LRBA: variants seen among roughly 807,000 people sequenced by gnomAD.
The protein encoded by LRBA is LPS responsive beige-like anchor protein, also known as lipopolysaccharide-responsive and beige-like anchor protein.
A neutral mutation model predicts 330.0 loss-of-function variants in LRBA; 176 were observed. The observed-to-expected ratio is 0.53, with a 90% confidence interval of 0.47 to 0.60. The LOEUF (loss-of-function observed/expected upper bound fraction) is 0.60, where lower values mean the gene tolerates loss of function less well. Among genes scored for constraint, LRBA ranks in the 20% least tolerant of loss-of-function variants. The pLI is 0.00. For synonymous variants in LRBA, 1,230 were observed against 1,193.0 expected (o/e 1.03, Z -0.64); for missense variants, 3,259 against 3,444.8 (o/e 0.95, Z 1.35).
At chr4:150,845,448 T>C (rs757344175) in intron 26 of LRBA, among the ~76,000 whole-genome samples, 7 of 152,144 alleles carry the variant, frequency 4.6e-5, no homozygotes, top group Admixed American at 3.3e-4. Context: ...GGCAGTTAGA[T>C]TACTTAGAAA....
intron 2 of LRBA, among the ~76,000 whole-genome samples, chr4:150,948,492 A>C (rs1736467503): frequency 1.3e-5 from 2 of 152,084 alleles, no homozygotes; most frequent in African/African-American, 4.8e-5. Context: ...ATTTAAATGT[A>C]AAATATAAAA....
At chr4:150,276,699 GAA>G (rs1448278228) in intron 56 of LRBA, among the ~76,000 whole-genome samples, 1 of 152,208 alleles carries the variant, frequency 6.6e-6, no homozygotes, top group Non-Finnish European at 1.5e-5. Context: ...GGTCATTAGA[GAA>G]ATGCAAATCA....
intron 40 of LRBA, among the ~76,000 whole-genome samples, chr4:150,551,544 T>TACAG (rs1766589556): frequency 1.3e-5 from 2 of 150,166 alleles, no homozygotes; most frequent in African/African-American, 5.0e-5. Context: ...CCAGGAGTGG[T>TACAG]GGAACATGCC....
intron 48 of LRBA, among the ~76,000 whole-genome samples, chr4:150,335,886 G>C (rs1430369339): frequency 6.6e-6 from 1 of 151,972 alleles, no homozygotes; most frequent in Non-Finnish European, 1.5e-5. Flanking sequence ...TGTAGAGATG[G>C]TGTTTTGCCA....
chr4:150,874,519 G>C (rs60102523), intron 17 of LRBA, among the ~76,000 whole-genome samples: 1 of 152,114 alleles, frequency 6.6e-6, no homozygotes, highest in African/African-American at 2.4e-5. Context: ...TCGCAGGCCT[G>C]GGGTGGGAGG....
intron 40 of LRBA, among the ~76,000 whole-genome samples, chr4:150,507,079 G>A (rs576753579): frequency 7.9e-5 from 12 of 151,634 alleles, no homozygotes; most frequent in African/African-American, 2.7e-4. Flanking sequence ...AATAAAAGAG[G>A]ATACAAACAA....
intron 13 of LRBA, among the ~76,000 whole-genome samples, chr4:150,901,086 T>G (rs1730671445): frequency 6.6e-6 from 1 of 151,998 alleles, no homozygotes; most frequent in Non-Finnish European, 1.5e-5. Flanking sequence ...TCACTTGAGG[T>G]CAGGAGTTTA....
At chr4:150,974,790 G>A (rs1382651845) in intron 2 of LRBA, among the ~76,000 whole-genome samples, 2 of 152,074 alleles carry the variant, frequency 1.3e-5, no homozygotes, top group Non-Finnish European at 2.9e-5. Flanking sequence ...GCATATGACA[G>A]ACCCAAACCA....
intron 35 of LRBA, among the ~76,000 whole-genome samples, chr4:150,751,849 C>T (rs956708845): frequency 2.0e-5 from 3 of 152,234 alleles, no homozygotes; most frequent in African/African-American, 7.2e-5. Flanking sequence ...AACTACATTA[C>T]AGCCCATTGT....
In LRBA at chr4:150,371,182, A is replaced by ATTTTTTTTTTTTTT. The variant is rs70937395; in HGVS notation, c.7195-21037_7195-21024dup. ...AAAAGCATGAGCTGCAAGCTACTAA[A>ATTTTTTTTTTTTTT]TTTTTTTTTTTTTTTTTTTTTTTTT... On this transcript the variant is annotated intron_variant, in intron 47 of 56. Transcript: ENST00000651943. Among the ~76,000 whole-genome samples the ATTTTTTTTTTTTTT allele has an allele frequency of 2.1e-4, 19 of 91,926 alleles. 1 individual carries two copies. Among genetic ancestry groups the ATTTTTTTTTTTTTT allele is most frequent in the African/African-American group, 7.7e-4 (16 of 20,826 alleles). 60.3% of individuals were successfully genotyped at this position (91,926 alleles called of 152,430 possible). A position where few individuals can be genotyped will look rare whatever the true frequency, so the allele number is the denominator to read the frequency against.
chr4:150,966,475 A>ATTT (rs36013649), intron 2 of LRBA, among the ~76,000 whole-genome samples: 8 of 114,590 alleles, frequency 7.0e-5, no homozygotes, highest in African/African-American at 2.1e-4. Flanking sequence ...CACCCAGCTA[A>ATTT]TTTTTTTTTT....
intron 28 of LRBA, among the ~76,000 whole-genome samples, chr4:150,832,448 T>C (rs546439899): frequency 6.6e-6 from 1 of 152,100 alleles, no homozygotes; most frequent in African/African-American, 2.4e-5. Flanking sequence ...ATACAAAAAT[T>C]AGCCAGGTGT....
chr4:150,523,189 G>A (rs1292564571), intron 40 of LRBA, among the ~76,000 whole-genome samples: 3 of 152,178 alleles, frequency 2.0e-5, no homozygotes, highest in Non-Finnish European at 4.4e-5. Context: ...TTGCATGTGA[G>A]GTTGACATGT....
chr4:150,875,242 A>T (rs1280283088), intron 17 of LRBA, among the ~76,000 whole-genome samples: 2 of 152,198 alleles, frequency 1.3e-5, no homozygotes. Context: ...GTGTCCCACC[A>T]TTCCGGTGCA....
chr4:150,683,227 T>C (rs1783207495), intron 37 of LRBA, among the ~76,000 whole-genome samples: 1 of 152,108 alleles, frequency 6.6e-6, no homozygotes. Flanking sequence ...GATAGTAAGA[T>C]AGTTTAACTG....
At chr4:150,871,494 T>G in intron 18 of LRBA, 41 bp from the exon 19 acceptor site, 1 of 1,206,748 alleles carries the variant, frequency 8.3e-7, no homozygotes, top group Non-Finnish European at 1.2e-6. Flanking sequence ...GTAGAGCTTT[T>G]CTGTGCTCTA....
intron 30 of LRBA, among the ~76,000 whole-genome samples, chr4:150,826,183 G>A (rs1014220430): frequency 7.2e-5 from 11 of 152,106 alleles, no homozygotes; most frequent in African/African-American, 2.7e-4. Flanking sequence ...GCCAGCAAAG[G>A]ATGATCAAGA....
At chr4:150,724,589 AC>A (rs1031523049) in intron 36 of LRBA, among the ~76,000 whole-genome samples, 3 of 152,186 alleles carry the variant, frequency 2.0e-5, no homozygotes. Context: ...TAAATAAGGC[AC>A]CAGGAACCAA....
chr4:150,644,545 G>A (rs977621058), intron 37 of LRBA, among the ~76,000 whole-genome samples: 4 of 151,874 alleles, frequency 2.6e-5, no homozygotes, highest in African/African-American at 9.7e-5. Context: ...TTAAGGAGTT[G>A]AGGACATTGA....
Sources: allele counts gnomAD v4.1 joint callset (sites outside exome capture counted in the v4.1 genomes callset), GRCh38; gene constraint gnomAD v4.1.1; transcripts MANE v1.5; gene names NCBI Gene and HGNC (gene_info 2026-07-23, HGNC 2026-07-21).